HS3ST4: variants seen among roughly 807,000 people sequenced by gnomAD.
HS3ST4 encodes the protein heparan sulfate-glucosamine 3-sulfotransferase 4, also known as heparan sulfate glucosamine 3-O-sulfotransferase 4.
In HS3ST4, 17 loss-of-function variants were observed where a neutral mutation model predicts 29.2. The ratio of observed to expected loss-of-function variants is 0.58; its 90% CI spans 0.40 to 0.87. The LOEUF is 0.87. HS3ST4 is among the 40% of genes least tolerant of loss of function. HS3ST4 has a pLI of 0.00. For synonymous variants in HS3ST4, 314 were observed against 285.7 expected (o/e 1.10, Z -1.00); for missense variants, 627 against 634.5 (o/e 0.99, Z 0.13).
intron 1 of HS3ST4, among the ~76,000 whole-genome samples, chr16:25,926,390 C>T (rs1390766646): frequency 6.6e-6 from 1 of 152,208 alleles, no homozygotes; most frequent in African/African-American, 2.4e-5. Context: ...TATGTTTCTC[C>T]ACCTACAGTT....
At chr16:26,001,726 C>T (rs2141734048) in intron 1 of HS3ST4, among the ~76,000 whole-genome samples, 1 of 152,162 alleles carries the variant, frequency 6.6e-6, no homozygotes, top group South Asian at 2.1e-4. Flanking sequence ...GAAAGGGTTT[C>T]CTCAGTGCTT....
chr16:25,855,870 GT>G (rs1463552439), intron 1 of HS3ST4, among the ~76,000 whole-genome samples: 1 of 152,028 alleles, frequency 6.6e-6, no homozygotes, highest in African/African-American at 2.4e-5. Flanking sequence ...GCTTAGTAGT[GT>G]TTTTTTAAAC....
At chr16:25,701,793 A>G (rs1028901974) in intron 1 of HS3ST4, among the ~76,000 whole-genome samples, 1 of 152,220 alleles carries the variant, frequency 6.6e-6, no homozygotes, top group African/African-American at 2.4e-5. Flanking sequence ...TGGACATGTA[A>G]ATGATCACAT....
chr16:26,136,320 C>T lies in HS3ST4; in HGVS notation c.*72C>T. ...TTGCCTGAGTCCTTGAATACCCCAG[C>T]TTCTGCAGCTTCACTTGCTGGAGTG... is the stretch of plus-strand genomic sequence containing the variant. On this transcript the variant is annotated 3_prime_UTR_variant, in exon 2 of 2. Coordinates refer to ENST00000331351, the MANE Select transcript of HS3ST4 (RefSeq NM_006040.3). 1 of 1,363,744 alleles carries T rather than the reference C, an allele frequency of 7.3e-7. No homozygotes were observed. Among genetic ancestry groups the T allele is most frequent in the Non-Finnish European group, 9.9e-7 (1 of 1,014,804 alleles). 84.5% of individuals were successfully genotyped at this position (1,363,744 alleles called of 1,614,324 possible).
At chr16:26,131,218 A>G (rs1899414526) in intron 1 of HS3ST4, among the ~76,000 whole-genome samples, 1 of 152,158 alleles carries the variant, frequency 6.6e-6, no homozygotes, top group South Asian at 2.1e-4. Context: ...ATTGTCTCTT[A>G]GCAGGTTACT....
chr16:25,775,257 A>C (rs977694895), intron 1 of HS3ST4, among the ~76,000 whole-genome samples: 2 of 152,194 alleles, frequency 1.3e-5, no homozygotes, highest in African/African-American at 4.8e-5. Flanking sequence ...GGATTTGGAC[A>C]ATAAGTGTTG....
chr16:25,802,423 T>A (rs910287498), intron 1 of HS3ST4, among the ~76,000 whole-genome samples: 1 of 152,120 alleles, frequency 6.6e-6, no homozygotes, highest in African/African-American at 2.4e-5. Flanking sequence ...TTTTATTATA[T>A]TCTGTTGATC....
intron 1 of HS3ST4, among the ~76,000 whole-genome samples, chr16:25,775,923 A>G (rs1966847195): frequency 6.6e-6 from 1 of 152,240 alleles, no homozygotes; most frequent in South Asian, 2.1e-4. Flanking sequence ...TTTTCTTGAC[A>G]GGAATGAAAA....
intron 1 of HS3ST4, among the ~76,000 whole-genome samples, chr16:26,101,969 G>A (rs1001601210): frequency 1.2e-4 from 18 of 152,238 alleles, no homozygotes; most frequent in Admixed American, 2.6e-4. Context: ...AAACAATGAG[G>A]TCTTACTACA....
chr16:25,931,346 C>T (rs770383866), intron 1 of HS3ST4, among the ~76,000 whole-genome samples: 1 of 152,184 alleles, frequency 6.6e-6, no homozygotes, highest in African/African-American at 2.4e-5. Flanking sequence ...AAACAGTGAA[C>T]GAATGTCCCC....
intron 1 of HS3ST4, among the ~76,000 whole-genome samples, chr16:25,710,412 AT>A (rs1318228967): frequency 6.6e-6 from 1 of 152,164 alleles, no homozygotes; most frequent in Non-Finnish European, 1.5e-5. Flanking sequence ...GTCCCGGTCA[AT>A]TTCCTATGGA....
At chr16:25,968,614 A>G (rs766425430) in intron 1 of HS3ST4, among the ~76,000 whole-genome samples, 1 of 152,170 alleles carries the variant, frequency 6.6e-6, no homozygotes, top group Non-Finnish European at 1.5e-5. Context: ...TTCTAGATCC[A>G]GTTTGTCTGG....
chr16:25,754,880 T>C (rs551369056), intron 1 of HS3ST4, among the ~76,000 whole-genome samples: 4 of 150,560 alleles, frequency 2.7e-5, no homozygotes, highest in African/African-American at 5.0e-5. Flanking sequence ...CACCCATCCA[T>C]CTATCCACCT....
At chr16:25,984,038 C>A (rs993479982) in intron 1 of HS3ST4, among the ~76,000 whole-genome samples, 5 of 152,174 alleles carry the variant, frequency 3.3e-5, no homozygotes, top group African/African-American at 1.2e-4. Context: ...TTTGCATATC[C>A]ATCATCTCCA....
chr16:26,016,793 G>A (rs1490748616), intron 1 of HS3ST4, among the ~76,000 whole-genome samples: 1 of 152,200 alleles, frequency 6.6e-6, no homozygotes, highest in Non-Finnish European at 1.5e-5. Context: ...TTAAGTGAGT[G>A]TGATAGAAAT....
At chr16:25,714,946 T>C (rs939261723) in intron 1 of HS3ST4, among the ~76,000 whole-genome samples, 2 of 152,232 alleles carry the variant, frequency 1.3e-5, no homozygotes, top group Non-Finnish European at 1.5e-5. Context: ...TTTTGATAAG[T>C]GGTCAGAAGA....
chr16:25,817,701 C>T (rs1456862112), intron 1 of HS3ST4, among the ~76,000 whole-genome samples: 2 of 151,982 alleles, frequency 1.3e-5, no homozygotes, highest in Admixed American at 1.3e-4. Context: ...GTTCTGTATC[C>T]TATTTTGTAT....
chr16:26,049,488 G>GTGTGTGTGTGTA (rs1438498699), intron 1 of HS3ST4, among the ~76,000 whole-genome samples: 8 of 151,884 alleles, frequency 5.3e-5, no homozygotes, highest in African/African-American at 1.9e-4. Flanking sequence ...GTGTGTGTGT[G>GTGTGTGTGTGTA]TGTGTGTATG....
intron 1 of HS3ST4, among the ~76,000 whole-genome samples, chr16:26,092,532 T>C (rs1471496050): frequency 6.6e-6 from 1 of 152,152 alleles, no homozygotes; most frequent in African/African-American, 2.4e-5. Flanking sequence ...AGATATGACA[T>C]GAGACTTGGT....
Sources: allele counts gnomAD v4.1 joint callset (sites outside exome capture counted in the v4.1 genomes callset), GRCh38; gene constraint gnomAD v4.1.1; transcripts MANE v1.5; gene names NCBI Gene and HGNC (gene_info 2026-07-23, HGNC 2026-07-21).